MCPH1: variants seen among roughly 807,000 people sequenced by gnomAD.
MCPH1 encodes microcephalin.
A neutral mutation model predicts 84.5 loss-of-function variants in MCPH1; 104 were observed. The ratio of observed to expected loss-of-function variants is 1.23; its 90% confidence interval spans 1.05 to 1.45. The LOEUF is 1.45. Among genes scored for constraint, MCPH1 ranks in the 40% most tolerant of loss-of-function variants. MCPH1 has a pLI of 0.00. For synonymous variants in MCPH1, 514 were observed against 366.8 expected (o/e 1.40, Z -4.58); for missense variants, 1,498 against 1,005.7 (o/e 1.49, Z -6.62).
intron 12 of MCPH1, among the ~76,000 whole-genome samples, chr8:6,569,026 G>T (rs1380264812): frequency 2.0e-5 from 3 of 152,174 alleles, no homozygotes; most frequent in Non-Finnish European, 4.4e-5. Context: ...CACTAAGCTG[G>T]GAGGGACTTT....
chr8:6,648,309 T>G lies in MCPH1; in HGVS notation c.*5260T>G, dbSNP rs1044897756. The stretch of plus-strand genomic sequence containing the variant: ...TGAGCCTGCTTCTACCCACTTTTAT[T>G]TTTCCCAGGAGTCACGCTTAGTCAT... On this transcript the variant is annotated 3_prime_UTR_variant, in exon 14 of 14. Coordinates refer to ENST00000344683, the MANE Select transcript of MCPH1 (RefSeq NM_024596.5). 3.9e-5 allele frequency: 6 copies of G among 152,256 alleles called. No homozygotes were observed. Among genetic ancestry groups the G allele is most frequent in the Non-Finnish European group, 7.3e-5 (5 of 68,088 alleles). 9.4% of individuals were successfully genotyped at this position (152,256 alleles called of 1,614,324 possible).
chr8:6,578,814 G>A (rs1439469229), intron 12 of MCPH1, among the ~76,000 whole-genome samples: 3 of 152,300 alleles, frequency 2.0e-5, no homozygotes, highest in East Asian at 3.9e-4. Context: ...AGACTCGCAC[G>A]TGGTTCTCCA....
At chr8:6,570,641 C>T (rs952452017) in intron 12 of MCPH1, among the ~76,000 whole-genome samples, 4 of 152,264 alleles carry the variant, frequency 2.6e-5, no homozygotes, top group South Asian at 2.1e-4. Context: ...TGGGAAGGAT[C>T]ACAGTTAATA....
chr8:6,434,756 G>T (rs193122223), intron 4 of MCPH1, among the ~76,000 whole-genome samples: 2 of 152,196 alleles, frequency 1.3e-5, no homozygotes, highest in African/African-American at 2.4e-5. Flanking sequence ...TAGCGTTTAC[G>T]TGGGTAGCTA....
At chr8:6,485,270 AGCCGAGATCAC>A (rs1447648877) in intron 11 of MCPH1, among the ~76,000 whole-genome samples, 6 of 152,084 alleles carry the variant, frequency 3.9e-5, no homozygotes, top group African/African-American at 1.4e-4. Context: ...GGTTGCAGTG[AGCCGAGATCAC>A]GCCACTGCAC....
At chr8:6,526,018 G>C (rs1818256694) in intron 12 of MCPH1, among the ~76,000 whole-genome samples, 1 of 152,116 alleles carries the variant, frequency 6.6e-6, no homozygotes, top group Admixed American at 6.5e-5. Flanking sequence ...TCCTAGGTTT[G>C]TCACGGACAT....
At chr8:6,599,041 C>T (rs950475961) in intron 12 of MCPH1, among the ~76,000 whole-genome samples, 7 of 152,150 alleles carry the variant, frequency 4.6e-5, no homozygotes, top group Admixed American at 3.3e-4. Context: ...CTTCCTAGCG[C>T]GAATACGGGG....
At chr8:6,491,122 A>G (rs1401163333) in intron 11 of MCPH1, among the ~76,000 whole-genome samples, 1 of 151,372 alleles carries the variant, frequency 6.6e-6, no homozygotes, top group Non-Finnish European at 1.5e-5. Context: ...TAGTATGGCA[A>G]AAAGGTGGCC....
chr8:6,545,830 A>C (rs1439520134), intron 12 of MCPH1, among the ~76,000 whole-genome samples: 1 of 152,250 alleles, frequency 6.6e-6, no homozygotes, highest in Non-Finnish European at 1.5e-5. Context: ...ATACAAGATT[A>C]CTCTGAGAAA....
At chr8:6,493,722 G>T (rs1201956013) in intron 11 of MCPH1, among the ~76,000 whole-genome samples, 1 of 152,132 alleles carries the variant, frequency 6.6e-6, no homozygotes, top group African/African-American at 2.4e-5. Context: ...AGGTCCCCAG[G>T]ATACAAAATA....
At chr8:6,522,106 A>G (rs1212949635) in intron 12 of MCPH1, among the ~76,000 whole-genome samples, 3 of 152,242 alleles carry the variant, frequency 2.0e-5, no homozygotes, top group Admixed American at 6.5e-5. Flanking sequence ...TTGTAATCCC[A>G]GCACTTTGGG....
At chr8:6,641,101 T>C (rs1230067853) in intron 13 of MCPH1, among the ~76,000 whole-genome samples, 1 of 152,234 alleles carries the variant, frequency 6.6e-6, no homozygotes, top group Non-Finnish European at 1.5e-5. Context: ...TGCATTTTTT[T>C]CTTTCCTATA....
chr8:6,624,049 C>T (rs1831792649), intron 13 of MCPH1, among the ~76,000 whole-genome samples: 1 of 152,248 alleles, frequency 6.6e-6, no homozygotes, highest in African/African-American at 2.4e-5. Flanking sequence ...CAGCCCCTTC[C>T]TGTGGGTCCT....
At chr8:6,559,485 T>G (rs1825179987) in intron 12 of MCPH1, among the ~76,000 whole-genome samples, 1 of 152,220 alleles carries the variant, frequency 6.6e-6, no homozygotes, top group East Asian at 1.9e-4. Flanking sequence ...CTTTCCAGCC[T>G]GTTCTTGTGT....
At chr8:6,560,658 T>C (rs1183637203) in intron 12 of MCPH1, among the ~76,000 whole-genome samples, 1 of 152,210 alleles carries the variant, frequency 6.6e-6, no homozygotes, top group Admixed American at 6.5e-5. Context: ...AGACGGACTT[T>C]TGAAATACCA....
intron 12 of MCPH1, among the ~76,000 whole-genome samples, chr8:6,530,818 T>C (rs368819018): frequency 3.2e-4 from 49 of 152,330 alleles, no homozygotes; most frequent in African/African-American, 1.2e-3. Context: ...CCAACCATTT[T>C]TAGGAAGACA....
chr8:6,477,715 C>G, intron 10 of MCPH1, 84 bp downstream of exon 10: 4 of 1,022,272 alleles, frequency 3.9e-6, no homozygotes, highest in Admixed American at 1.7e-5. Flanking sequence ...CTTTAGGCAA[C>G]TTGTCAATCT....
At chr8:6,464,893 GGAGACT>G (rs1806681918) in intron 9 of MCPH1, among the ~76,000 whole-genome samples, 1 of 152,120 alleles carries the variant, frequency 6.6e-6, no homozygotes, top group African/African-American at 2.4e-5. Flanking sequence ...CAGCTACTCG[GGAGACT>G]AAGGCAGGAC....
rs756198546 is a variant in MCPH1, at chr8:6,455,209, T to G, written c.1892T>G (p.Ile631Ser). The G allele has an allele frequency of 3.6e-5, 58 of 1,613,956 alleles. No homozygotes were observed. The highest frequency in any genetic ancestry group is 4.6e-5 in the Non-Finnish European group (54 of 1,179,982). Reference sequence around the variant, plus strand: ...TCATGTGACGGCTTTAAGGACCTCATCAAACCTCATGAGGAATTGAAGAAA... The same window carrying G: ...TCATGTGACGGCTTTAAGGACCTCAGCAAACCTCATGAGGAATTGAAGAAA... The part of the protein sequence containing the change: ...DDSCDGFKDL[I>S]KPHEELKKSG... Residue 631 changes from isoleucine to serine, a missense_variant, in exon 9 of 14, where the codon ATC becomes AGC. Ile to Ser is a moderately radical substitution (Grantham distance 142). Coordinates refer to ENST00000344683, the MANE Select transcript of MCPH1 (RefSeq NM_024596.5).
Sources: gnomAD v4.1 joint callset for allele counts (sites outside exome capture counted in the v4.1 genomes callset) on GRCh38, gnomAD v4.1.1 for gene constraint, MANE v1.5 for transcripts, NCBI Gene and HGNC (gene_info 2026-07-23, HGNC 2026-07-21) for gene names.